The following PCDHGB3 variants were observed in gnomAD, a reference collection of about 807,000 sequenced individuals.
The protein encoded by PCDHGB3 is protocadherin gamma subfamily B, 3, also known as protocadherin gamma-B3.
PCDHGB3 carries 40 observed loss-of-function variants against 59.2 expected under a neutral mutation model. The ratio of observed to expected loss-of-function variants is 0.68; its 90% confidence interval spans 0.52 to 0.88. The LOEUF (loss-of-function observed/expected upper bound fraction) is 0.88. PCDHGB3 is among the 40% of genes least tolerant of loss of function. The pLI is 0.00. For synonymous variants in PCDHGB3, 581 were observed against 503.6 expected, an observed-to-expected ratio of 1.15 and a Z score of -2.06; for missense variants, 1,309 against 1,187.9, an observed-to-expected ratio of 1.10 and a Z score of -1.50.
intron 1 of PCDHGB3, chr5:141,468,556 GAT>G (rs754546771): frequency 6.6e-6 from 1 of 151,930 alleles, no homozygotes; most frequent in Non-Finnish European, 1.5e-5. Flanking sequence ...TAACATTTGT[GAT>G]ATAGTAAACA....
intron 2 of PCDHGB3, among the ~76,000 whole-genome samples, chr5:141,502,250 T>A (rs915754322): frequency 2.6e-5 from 4 of 152,242 alleles, no homozygotes; most frequent in East Asian, 3.8e-4. Context: ...TCCTTTTTTT[T>A]AATCCAGGAT....
intron 1 of PCDHGB3, chr5:141,387,615 A>G: frequency 3.5e-6 from 2 of 564,798 alleles, no homozygotes; most frequent in South Asian, 2.4e-5. Flanking sequence ...GTAGTTTCCT[A>G]GTGCTGACTC....
At chr5:141,403,209 C>T (rs1247618991) in intron 1 of PCDHGB3, 2 of 1,613,982 alleles carry the variant, frequency 1.2e-6, no homozygotes, top group Admixed American at 1.7e-5. Context: ...ACCTTGGTCA[C>T]CGCGGGTAGG....
At chr5:141,441,831 C>T in intron 1 of PCDHGB3, 3 of 352,742 alleles carry the variant, frequency 8.5e-6, no homozygotes, top group South Asian at 7.2e-5. Context: ...AGCGCAATGG[C>T]TTCGCGCTCT....
In PCDHGB3 at chr5:141,487,869, G is replaced by T; in HGVS notation, c.2416-6938G>T. On this transcript the variant is annotated intron_variant, in intron 1 of 3. Transcript: ENST00000576222. This position sits in a 1 kb window ranked among gnomAD's most constrained non-coding sequence, Gnocchi z 5.0. ...AAATGAAAGTAATTGGTGATCAAGA[G>T]CCAGGCTGTTGTGGAAGCATGATGA... 1.1e-6 allele frequency: 1 copy of T among 871,620 alleles called. No individual in the cohort carries two copies. The highest frequency in any genetic ancestry group is 1.7e-6 in the Non-Finnish European group (1 of 574,346). The allele number at this position is 871,620 out of a possible 1,614,324, so 54.0% of individuals were successfully genotyped here. A position where few individuals can be genotyped will look rare whatever the true frequency, so the allele number is the denominator to read the frequency against.
chr5:141,419,692 C>T (rs2096416788), intron 1 of PCDHGB3: 15 of 1,612,780 alleles, frequency 9.3e-6, no homozygotes, highest in Non-Finnish European at 1.3e-5. Context: ...TGGTGCAGGC[C>T]AGTGAGCCCG....
In PCDHGB3 at chr5:141,490,540, C is replaced by T; in HGVS notation, c.2416-4267C>T. The T allele has an allele frequency of 6.2e-7, 1 of 1,614,148 alleles. No homozygotes were observed. Among genetic ancestry groups the T allele is most frequent in the Non-Finnish European group, 8.5e-7 (1 of 1,180,024 alleles). ...GGCCAGCGATGCTGGTTCACCTTCC[C>T]TACACAAACATCTCACCATCAGGCT... On this transcript the variant is annotated intron_variant, in intron 1 of 3. Coordinates refer to ENST00000576222, the MANE Select transcript of PCDHGB3 (RefSeq NM_018924.5). This position sits in a 1 kb window ranked among gnomAD's most constrained non-coding sequence, Gnocchi z 5.4.
At chr5:141,450,006 C>CTATTTTTTTTTTTT (rs70988802) in intron 1 of PCDHGB3, among the ~76,000 whole-genome samples, 1 of 132,966 alleles carries the variant, frequency 7.5e-6, no homozygotes, top group Non-Finnish European at 1.6e-5. Flanking sequence ...TGCCATGTCT[C>CTATTTTTTTTTTTT]TTTTTTTTTT....
chr5:141,393,657 C>G, intron 1 of PCDHGB3: 1 of 1,613,862 alleles, frequency 6.2e-7, no homozygotes, highest in Non-Finnish European at 8.5e-7. Context: ...ATACAAATTC[C>G]GGAAAATTAA....
chr5:141,454,366 GT>G (rs2098787984), intron 1 of PCDHGB3, among the ~76,000 whole-genome samples: 1 of 152,166 alleles, frequency 6.6e-6, no homozygotes, highest in Admixed American at 6.5e-5. Flanking sequence ...TTAGAAAGGA[GT>G]ATGGCAACTT....
chr5:141,497,374 T>C (rs2099776044), intron 2 of PCDHGB3, among the ~76,000 whole-genome samples: 1 of 152,112 alleles, frequency 6.6e-6, no homozygotes, highest in Non-Finnish European at 1.5e-5. Flanking sequence ...ATGTGTCCTC[T>C]GGGGTGAGCA....
chr5:141,432,870 T>C lies in PCDHGB3; in HGVS notation c.2415+60061T>C, dbSNP rs1022024380. The stretch of plus-strand genomic sequence containing the variant: ...GCGGTGGCCGCGGTCTCCTGCGTCT[T>C]CCTGGCCTTCGTCATCTTGCTGCTG... On this transcript the variant is annotated intron_variant, in intron 1 of 3. Transcript: ENST00000576222. This position sits in a 1 kb window ranked among gnomAD's most constrained non-coding sequence, Gnocchi z 6.0. The C allele has an allele frequency of 1.9e-6, 3 of 1,614,030 alleles. No homozygotes were observed. In the African/African-American group the frequency reaches 4.0e-5, roughly 22 times the overall value.
At chr5:141,376,684 T>TTTTTTTTTTG in intron 1 of PCDHGB3, 1 of 809,294 alleles carries the variant, frequency 1.2e-6, no homozygotes, top group African/African-American at 1.9e-5. Flanking sequence ...TCGTTTTTTT[T>TTTTTTTTTTG]TTTTTTTTTT....
At chr5:141,428,102 G>T (rs774075619) in intron 1 of PCDHGB3, 38 of 1,608,516 alleles carry the variant, frequency 2.4e-5, no homozygotes, top group Non-Finnish European at 3.2e-5. Flanking sequence ...CCTACCACGT[G>T]CTGCAGGCCA....
rs2233603 is a variant in PCDHGB3 at position 141,490,063 on chromosome 5, G to A, written c.2416-4744G>A. 1,259 of 1,614,208 alleles carry A rather than the reference G, an allele frequency of 7.8e-4. 6 individuals carry two copies. The African/African-American group carries it at 0.013, about 16-fold the overall frequency. On this transcript the variant is annotated intron_variant, in intron 1 of 3. Transcript: ENST00000576222. The surrounding 1 kb of genome is among the most constrained non-coding windows in gnomAD (Gnocchi z 5.4). ...CACTGATCCAGACGAGGGCACCAAC[G>A]GCCAACTAGACTATTCTTTTGGAGA...
chr5:141,501,964 A>G (rs1374872785), intron 2 of PCDHGB3, among the ~76,000 whole-genome samples: 1 of 151,854 alleles, frequency 6.6e-6, no homozygotes, highest in East Asian at 1.9e-4. Flanking sequence ...TCATCCTCCT[A>G]ACCTCTGGCA....
Position 141,486,656 on chromosome 5 carries a change from C to A in PCDHGB3, c.2416-8151C>A. 6.2e-7 allele frequency: 1 copy of A among 1,614,020 alleles called. No homozygotes were observed. Among genetic ancestry groups the A allele is most frequent in the Non-Finnish European group, 8.5e-7 (1 of 1,180,038 alleles). On this transcript the variant is annotated intron_variant, in intron 1 of 3. Transcript: ENST00000576222. This position sits in a 1 kb window ranked among gnomAD's most constrained non-coding sequence, Gnocchi z 5.0. ...GAATGCGCTTATCTCCTACTCACTCCTGGAGCCCAGGAATCGAGATGTATC... is the reference window on the plus strand; with the variant it reads ...GAATGCGCTTATCTCCTACTCACTCATGGAGCCCAGGAATCGAGATGTATC...
intron 1 of PCDHGB3, chr5:141,383,386 G>C (rs1199066955): frequency 1.2e-6 from 2 of 1,614,000 alleles, no homozygotes; most frequent in Non-Finnish European, 1.7e-6. Context: ...TCCAGATGTG[G>C]GCACGAACTC....
At chr5:141,510,296 G>A (rs999749575) in intron 3 of PCDHGB3, among the ~76,000 whole-genome samples, 6 of 149,608 alleles carry the variant, frequency 4.0e-5, no homozygotes, top group African/African-American at 1.5e-4. Flanking sequence ...AAAAAATGCT[G>A]TTTTGAAATG....
Sources: gnomAD v4.1 joint callset for allele counts (sites outside exome capture counted in the v4.1 genomes callset) on GRCh38, gnomAD v4.1.1 for gene constraint, Gnocchi (gnomAD v3.1) non-coding constraint, MANE v1.5 for transcripts, NCBI Gene and HGNC (gene_info 2026-07-23, HGNC 2026-07-21) for gene names.